The following ATRNL1 variants were observed in gnomAD, a reference collection of about 807,000 sequenced individuals.
The protein encoded by ATRNL1 is attractin like 1.
Under a neutral mutation model 182.7 loss-of-function variants are expected in ATRNL1, and 95 were observed. The ratio of observed to expected loss-of-function variants is 0.52; its 90% CI spans 0.44 to 0.62. The LOEUF is 0.62. Among genes scored for constraint, ATRNL1 ranks in the 20% least tolerant of loss-of-function variants. The pLI is 0.00. For missense variants in ATRNL1, 1,471 were observed against 1,679.5 expected (o/e 0.88, Z 2.17); for synonymous variants, 576 against 568.3 (o/e 1.01, Z -0.19).
chr10:115,301,591 T>G (rs982540801), intron 16 of ATRNL1, among the ~76,000 whole-genome samples: 3 of 152,322 alleles, frequency 2.0e-5, no homozygotes, highest in South Asian at 4.1e-4. Flanking sequence ...ATAGATTACA[T>G]TACTGCTTAT....
intron 10 of ATRNL1, among the ~76,000 whole-genome samples, chr10:115,261,590 A>C (rs1311142915): frequency 3.9e-5 from 6 of 152,176 alleles, no homozygotes; most frequent in African/African-American, 9.7e-5. Context: ...GTTGGGGGAG[A>C]AATAGCAGTA....
intron 24 of ATRNL1, among the ~76,000 whole-genome samples, chr10:115,494,261 A>G (rs534372769): frequency 1.3e-5 from 2 of 152,288 alleles, no homozygotes; most frequent in Admixed American, 6.5e-5. Context: ...TTCTACATAT[A>G]CAATCATATA....
chr10:115,404,950 A>AT (rs1844747142), intron 20 of ATRNL1, among the ~76,000 whole-genome samples: 1 of 152,080 alleles, frequency 6.6e-6, no homozygotes, highest in South Asian at 2.1e-4. Context: ...ATTTAACTCT[A>AT]GATGGTCAGA....
chr10:115,586,925 G>C (rs2133903478), intron 26 of ATRNL1, among the ~76,000 whole-genome samples: 4 of 117,828 alleles, frequency 3.4e-5, no homozygotes, highest in African/African-American at 1.1e-4. Context: ...TGTACAGATG[G>C]GTTTTTGGTG....
chr10:115,936,040 T>G (rs1953546288), intron 28 of ATRNL1, among the ~76,000 whole-genome samples: 2 of 152,206 alleles, frequency 1.3e-5, no homozygotes, highest in African/African-American at 4.8e-5. Context: ...TGTCTTTGAA[T>G]CTATCTTTCT....
chr10:115,387,548 T>C (rs7097441), intron 19 of ATRNL1, among the ~76,000 whole-genome samples: 1,780 of 152,328 alleles, frequency 0.012, 32 homozygotes, highest in African/African-American at 0.039. Context: ...CCAACACCTG[T>C]ATCAATTTCC....
intron 27 of ATRNL1, among the ~76,000 whole-genome samples, chr10:115,740,256 A>G (rs187741948): frequency 6.6e-5 from 10 of 152,310 alleles, no homozygotes; most frequent in Admixed American, 2.6e-4. Flanking sequence ...GTTCTTACAT[A>G]TTTCATACCA....
At chr10:115,326,291 C>T (rs1456215277) in intron 18 of ATRNL1, among the ~76,000 whole-genome samples, 4 of 152,074 alleles carry the variant, frequency 2.6e-5, no homozygotes, top group Non-Finnish European at 5.9e-5. Flanking sequence ...ACACCAATAA[C>T]AGACAAACAG....
intron 24 of ATRNL1, among the ~76,000 whole-genome samples, chr10:115,496,359 G>C (rs1554978269): frequency 1.3e-5 from 2 of 152,106 alleles, no homozygotes; most frequent in Non-Finnish European, 2.9e-5. Context: ...CACTCCTTAA[G>C]GATCTTTTAT....
At chr10:115,926,150 G>C (rs1953224537) in intron 28 of ATRNL1, among the ~76,000 whole-genome samples, 1 of 152,210 alleles carries the variant, frequency 6.6e-6, no homozygotes, top group African/African-American at 2.4e-5. Context: ...ACCTGCTCCT[G>C]AATGACTGCT....
intron 18 of ATRNL1, among the ~76,000 whole-genome samples, chr10:115,327,199 A>G (rs1554933598): frequency 4.6e-5 from 7 of 151,848 alleles, no homozygotes. Flanking sequence ...ACAAAGGGCT[A>G]ATATCCAGAA....
At chr10:115,838,133 A>G (rs1231397662) in intron 27 of ATRNL1, among the ~76,000 whole-genome samples, 1 of 152,176 alleles carries the variant, frequency 6.6e-6, no homozygotes, top group Non-Finnish European at 1.5e-5. Flanking sequence ...TCAAAATCCC[A>G]TAATATTTGA....
At chr10:115,468,684 T>C (rs1455992377) in intron 23 of ATRNL1, among the ~76,000 whole-genome samples, 1 of 150,818 alleles carries the variant, frequency 6.6e-6, no homozygotes, top group East Asian at 1.9e-4. Flanking sequence ...GACAAATAAA[T>C]TGATTTTTTC....
chr10:115,842,581 A>G (rs1345037312), intron 27 of ATRNL1, among the ~76,000 whole-genome samples: 1 of 152,078 alleles, frequency 6.6e-6, no homozygotes, highest in Non-Finnish European at 1.5e-5. Context: ...AGCTAGTGGG[A>G]GAGCTGGTCT....
chr10:115,820,271 A>G (rs1950261158), intron 27 of ATRNL1: 2 of 152,128 alleles, frequency 1.3e-5, no homozygotes, highest in Non-Finnish European at 2.9e-5. Context: ...CTTCATGCCC[A>G]TCAAGTTCCC....
intron 27 of ATRNL1, among the ~76,000 whole-genome samples, chr10:115,818,187 T>G (rs1454266926): frequency 1.0e-4 from 1 of 9,848 alleles, no homozygotes; most frequent in Non-Finnish European, 1.7e-4. Flanking sequence ...TTGATTCCGT[T>G]TTTTTTTTTT....
intron 27 of ATRNL1, among the ~76,000 whole-genome samples, chr10:115,740,490 A>G (rs1555067339): frequency 1.2e-5 from 1 of 86,458 alleles, no homozygotes; most frequent in East Asian, 3.6e-4. Context: ...AGCAATATCA[A>G]GATCCTATCT....
At chr10:115,921,777 G>A (rs560199526) in intron 28 of ATRNL1, among the ~76,000 whole-genome samples, 3 of 152,214 alleles carry the variant, frequency 2.0e-5, no homozygotes, top group South Asian at 2.1e-4. Context: ...TTGTGTTAGC[G>A]TAAAGTGTTG....
chr10:115,565,270 T>G (rs1854009059), intron 26 of ATRNL1, among the ~76,000 whole-genome samples: 1 of 152,022 alleles, frequency 6.6e-6, no homozygotes, highest in African/African-American at 2.4e-5. Context: ...AATTACAGTC[T>G]TAGAGAATTA....
Sources: gnomAD v4.1 joint callset for allele counts (sites outside exome capture counted in the v4.1 genomes callset) on GRCh38, gnomAD v4.1.1 for gene constraint, MANE v1.5 for transcripts, NCBI Gene and HGNC (gene_info 2026-07-23, HGNC 2026-07-21) for gene names.